The following ATF3 variants were observed in gnomAD, a reference collection of about 807,000 sequenced individuals.
ATF3 encodes the protein activating transcription factor 3.
Under a neutral mutation model 18.4 loss-of-function variants are expected in ATF3, and 10 were observed. The observed-to-expected ratio is 0.54, with a 90% CI of 0.34 to 0.92. The LOEUF (loss-of-function observed/expected upper bound fraction) is 0.92. Among genes scored for constraint, ATF3 ranks in the 40% least tolerant of loss-of-function variants. The probability of loss-of-function intolerance (pLI) is 0.02; values close to 1 mark genes in which losing one functional copy is unlikely to be tolerated. For missense variants in ATF3, 183 were observed against 222.3 expected (o/e 0.82, Z 1.12); for synonymous variants, 78 against 87.9 (o/e 0.89, Z 0.63).
chr1:212,611,984 G>A lies in ATF3; in HGVS notation c.-4-3034G>A, dbSNP rs11571529. On this transcript the variant is annotated intron_variant, in intron 1 of 3. Transcript: ENST00000341491. ...GGATGTTTGAGGATCTCAACTTTCT[G>A]AAAAATTGTGTGAAGATTTAACTTC... is the stretch of plus-strand genomic sequence containing the variant. 2.2e-4 allele frequency among the ~76,000 whole-genome samples: 34 copies of A among 152,248 alleles called. No homozygotes were observed. In the East Asian group the frequency reaches 6.2e-3, roughly 28 times the overall value.
intron 1 of ATF3, among the ~76,000 whole-genome samples, chr1:212,598,693 A>T (rs1285648448): frequency 6.6e-6 from 1 of 152,198 alleles, no homozygotes; most frequent in Admixed American, 6.5e-5. Flanking sequence ...GATCCTGCAA[A>T]TACGTGAGAA....
chr1:212,585,436 C>T (rs1369377661), intron 1 of ATF3, among the ~76,000 whole-genome samples: 1 of 152,206 alleles, frequency 6.6e-6, no homozygotes, highest in Non-Finnish European at 1.5e-5. Flanking sequence ...CTCTGCATGG[C>T]TGGCACCTTC....
intron 1 of ATF3, among the ~76,000 whole-genome samples, chr1:212,572,922 G>A (rs1284187844): frequency 2.0e-5 from 3 of 152,116 alleles, no homozygotes; most frequent in Admixed American, 2.0e-4. Flanking sequence ...TTTTTATACA[G>A]ACAATTTGTA....
intron 1 of ATF3, among the ~76,000 whole-genome samples, chr1:212,594,391 C>T (rs1558231907): frequency 7.1e-6 from 1 of 141,362 alleles, no homozygotes; most frequent in Non-Finnish European, 1.5e-5. Flanking sequence ...TATTCAGAGA[C>T]TATGAATGAA....
At chr1:212,595,202 T>C (rs969954516) in intron 1 of ATF3, among the ~76,000 whole-genome samples, 1 of 152,200 alleles carries the variant, frequency 6.6e-6, no homozygotes, top group Non-Finnish European at 1.5e-5. Flanking sequence ...GTGTAGCCCC[T>C]AGGACTCTTT....
At chr1:212,580,125 T>G (rs1664653582) in intron 1 of ATF3, among the ~76,000 whole-genome samples, 1 of 151,372 alleles carries the variant, frequency 6.6e-6, no homozygotes, top group Non-Finnish European at 1.5e-5. Flanking sequence ...GCCATTGCAT[T>G]CCAGCCTGGT....
At chr1:212,591,727 A>G (rs1558230823) in intron 1 of ATF3, among the ~76,000 whole-genome samples, 2 of 152,188 alleles carry the variant, frequency 1.3e-5, no homozygotes, top group Admixed American at 1.3e-4. Flanking sequence ...TCCAGCTTTA[A>G]CGATTATCAA....
chr1:212,589,725 C>G (rs1664846362), intron 1 of ATF3, among the ~76,000 whole-genome samples: 1 of 148,998 alleles, frequency 6.7e-6, no homozygotes, highest in Non-Finnish European at 1.5e-5. Flanking sequence ...AAAAGAATGT[C>G]TTAAATTGAC....
intron 1 of ATF3, among the ~76,000 whole-genome samples, chr1:212,581,835 G>A (rs1017118474): frequency 6.6e-6 from 1 of 152,042 alleles, no homozygotes; most frequent in Non-Finnish European, 1.5e-5. Flanking sequence ...TCTAGATAAA[G>A]GATATAATTG....
chr1:212,584,889 A>G (rs1664749635), intron 1 of ATF3, among the ~76,000 whole-genome samples: 1 of 152,280 alleles, frequency 6.6e-6, no homozygotes, highest in Non-Finnish European at 1.5e-5. Context: ...CTGGTCACTC[A>G]GATAGCAGGG....
chr1:212,615,062 T>G lies in ATF3; in HGVS notation c.41T>G (p.Val14Gly), dbSNP rs769902426. 5.6e-6 allele frequency: 9 copies of G among 1,614,152 alleles called. No individual in the cohort carries two copies. Among genetic ancestry groups the G allele is most frequent in the Non-Finnish European group, 6.8e-6 (8 of 1,180,040 alleles). ...CCAGGCCAGGTCTCTGCCTCGGAAG[T>G]GAGTGCTTCTGCCATCGTCCCCTGC... The part of the protein sequence containing the change: ...QHPGQVSASE[V>G]SASAIVPCLS... The change falls in exon 2 of 4, where the codon GTG (valine) becomes GGG (glycine). Residue 14 changes from valine (V) to glycine (G), a missense_variant. Coordinates refer to ENST00000341491, the MANE Select transcript of ATF3 (RefSeq NM_001674.4).
intron 1 of ATF3, among the ~76,000 whole-genome samples, chr1:212,574,511 A>C (rs1256197503): frequency 6.6e-6 from 1 of 151,924 alleles, no homozygotes; most frequent in Admixed American, 6.5e-5. Context: ...CTTTTTTAAC[A>C]CATAGTTTTT....
At chr1:212,566,782 G>A (rs1162595099) in intron 1 of ATF3, among the ~76,000 whole-genome samples, 2 of 152,182 alleles carry the variant, frequency 1.3e-5, no homozygotes, top group East Asian at 3.8e-4. Context: ...AGGGTCTGGG[G>A]ACCCCTGAAA....
chr1:212,577,262 T>G (rs889383410), intron 1 of ATF3, among the ~76,000 whole-genome samples: 2 of 152,212 alleles, frequency 1.3e-5, no homozygotes, highest in African/African-American at 4.8e-5. Flanking sequence ...TAAATTCATT[T>G]ATCTCTTTAA....
Position 212,619,561 on chromosome 1 carries a change from C to A in ATF3, c.*6C>A. The A allele has an allele frequency of 6.2e-7, 1 of 1,613,842 alleles. No individual in the cohort carries two copies. Among genetic ancestry groups the A allele is most frequent in the South Asian group, 1.1e-5 (1 of 90,960 alleles). Reference sequence around the variant, plus strand: ...AAGGAACATTGCAGAGCTAAGCAGTCGTGGTATGGGGGCGACTGGGGAGTC... The same window carrying A: ...AAGGAACATTGCAGAGCTAAGCAGTAGTGGTATGGGGGCGACTGGGGAGTC... On this transcript the variant is annotated 3_prime_UTR_variant, in exon 4 of 4. Transcript: ENST00000341491. The surrounding 1 kb of genome is among the most constrained non-coding windows in gnomAD (Gnocchi z 4.4).
At chr1:212,571,041 C>G (rs1163494891) in intron 1 of ATF3, among the ~76,000 whole-genome samples, 5 of 152,156 alleles carry the variant, frequency 3.3e-5, no homozygotes, top group African/African-American at 9.7e-5. Flanking sequence ...AAACTACCAG[C>G]CTTTTCTCCA....
chr1:212,578,385 A>G (rs1351366750), intron 1 of ATF3, among the ~76,000 whole-genome samples: 2 of 152,238 alleles, frequency 1.3e-5, no homozygotes, highest in Non-Finnish European at 2.9e-5. Context: ...CTGACAGATG[A>G]AATGATACGT....
chr1:212,571,266 TG>T lies in ATF3; in HGVS notation c.-5+5784del, dbSNP rs1411506601. On this transcript the variant is annotated intron_variant, in intron 1 of 3. Transcript: ENST00000366981. ...GGTTTTTCTTTATTTTATTTTAATGTGTATGTATTTTACATCTAACTATATC... is the reference window on the plus strand; with the variant it reads ...GGTTTTTCTTTATTTTATTTTAATGTTATGTATTTTACATCTAACTATATC... Among the ~76,000 whole-genome samples, 4 of 152,216 alleles carry T rather than the reference TG, an allele frequency of 2.6e-5. No individual in the cohort carries two copies. In the East Asian group the frequency reaches 7.7e-4, roughly 29 times the overall value.
At position 212,619,878 on chromosome 1, in the gene ATF3, C is replaced by T. The variant is rs564911164; in HGVS notation, c.*323C>T. On this transcript the variant is annotated 3_prime_UTR_variant, in exon 4 of 4. Transcript: ENST00000341491. The surrounding 1 kb of genome is among the most constrained non-coding windows in gnomAD (Gnocchi z 4.4). ...ATTCTACAAAAAACCAGGATGCCCA[C>T]CGTTAGGATTCAGGCAGCAGTGTCT... 5 of 333,808 alleles carry T rather than the reference C, an allele frequency of 1.5e-5. No individual in the cohort carries two copies. The East Asian group carries it at 3.8e-4, about 25-fold the overall frequency. The allele number at this position is 333,808 out of a possible 1,614,324, so 20.7% of individuals were successfully genotyped here. A position where few individuals can be genotyped will look rare whatever the true frequency, so the allele number is the denominator to read the frequency against.
Sources: gnomAD v4.1 joint callset for allele counts (sites outside exome capture counted in the v4.1 genomes callset) on GRCh38, gnomAD v4.1.1 for gene constraint, Gnocchi (gnomAD v3.1) non-coding constraint, MANE v1.5 for transcripts, NCBI Gene and HGNC (gene_info 2026-07-23, HGNC 2026-07-21) for gene names.